The following ENKUR variants were observed in gnomAD, a reference collection of about 807,000 sequenced individuals.
ENKUR encodes the protein enkurin.
A neutral mutation model predicts 27.6 loss-of-function variants in ENKUR; 19 were observed. The observed-to-expected ratio is 0.69, with a 90% confidence interval of 0.48 to 1.01. The LOEUF (loss-of-function observed/expected upper bound fraction) is 1.01, where lower values mean the gene tolerates loss of function less well. Among genes scored for constraint, ENKUR ranks in the 50% least tolerant of loss-of-function variants. The pLI is 0.00. For synonymous variants in ENKUR, 117 were observed against 96.9 expected (o/e 1.21, Z -1.22); for missense variants, 312 against 310.5 (o/e 1.00, Z -0.04).
upstream of ENKUR, among the ~76,000 whole-genome samples, chr10:25,020,514 C>G (rs886484504): frequency 6.6e-6 from 1 of 151,990 alleles, no homozygotes; most frequent in African/African-American, 2.4e-5. Flanking sequence ...TGCCTCTAAT[C>G]CCAGCACTTT....
At chr10:25,033,715 A>T (rs182750077) in intron 2 of ENKUR, among the ~76,000 whole-genome samples, 185 of 152,282 alleles carry the variant, frequency 1.2e-3, no homozygotes, top group African/African-American at 4.3e-3. Context: ...AAAATCAAGA[A>T]AAAACAGTGA....
intron 2 of ENKUR, 41 bp downstream of exon 2, chr10:24,999,360 T>A: frequency 6.4e-7 from 1 of 1,554,486 alleles, no homozygotes; most frequent in Non-Finnish European, 8.7e-7. Context: ...AATCACCTGC[T>A]AATGCTTTTA....
chr10:24,997,531 T>C (rs1378393962), intron 2 of ENKUR, among the ~76,000 whole-genome samples: 1 of 151,814 alleles, frequency 6.6e-6, no homozygotes, highest in Non-Finnish European at 1.5e-5. Context: ...GGACCACAGA[T>C]GTGCATCAGC....
intron 3 of ENKUR, among the ~76,000 whole-genome samples, chr10:24,995,391 A>T (rs917015466): frequency 2.6e-5 from 4 of 152,214 alleles, no homozygotes; most frequent in Non-Finnish European, 5.9e-5. Context: ...TAAAATTGTT[A>T]AATATGTTAA....
At chr10:25,031,057 G>A (rs145454883) in intron 2 of ENKUR, among the ~76,000 whole-genome samples, 1 of 152,320 alleles carries the variant, frequency 6.6e-6, no homozygotes, top group Non-Finnish European at 1.5e-5. Context: ...GGCAGAGATT[G>A]CAGTAGCCAA....
intron 2 of ENKUR, among the ~76,000 whole-genome samples, chr10:25,052,892 C>T (rs112584438): frequency 0.014 from 2,121 of 152,154 alleles, 26 homozygotes; most frequent in Non-Finnish European, 0.02. Context: ...GCCTCAGCCT[C>T]CCGAGTAGCT....
At chr10:25,007,370 G>C (rs1850335747) in intron 1 of ENKUR, among the ~76,000 whole-genome samples, 1 of 152,168 alleles carries the variant, frequency 6.6e-6, no homozygotes, top group Admixed American at 6.5e-5. Context: ...AAATGCCAGA[G>C]AGGTGTGCTA....
chr10:24,984,449 T>C, intron 5 of ENKUR, 73 bp from the exon 6 acceptor site: 1 of 1,478,090 alleles, frequency 6.8e-7, no homozygotes, highest in Non-Finnish European at 9.1e-7. Flanking sequence ...AATTAATGTT[T>C]ATGTGAAACA....
At chr10:25,055,683 T>C (rs1421355926) in intron 2 of ENKUR, among the ~76,000 whole-genome samples, 1 of 152,184 alleles carries the variant, frequency 6.6e-6, no homozygotes, top group African/African-American at 2.4e-5. Flanking sequence ...ATTTTTAAAA[T>C]TTGGGATACC....
chr10:24,998,313 C>T (rs1241372093), intron 2 of ENKUR, among the ~76,000 whole-genome samples: 1 of 146,338 alleles, frequency 6.8e-6, no homozygotes, highest in Non-Finnish European at 1.5e-5. Context: ...CTTCTCCTCT[C>T]CCCTCCCCTC....
intron 2 of ENKUR, among the ~76,000 whole-genome samples, chr10:25,031,332 AT>A: frequency 6.6e-6 from 1 of 151,870 alleles, no homozygotes; most frequent in Middle Eastern, 3.4e-3. Flanking sequence ...TACTTCCTAC[AT>A]TTTTTTTATG....
chr10:25,056,395 G>T (rs147394103), intron 2 of ENKUR, among the ~76,000 whole-genome samples: 2 of 152,286 alleles, frequency 1.3e-5, no homozygotes, highest in Non-Finnish European at 2.9e-5. Flanking sequence ...GAGGGACTAG[G>T]AACATCTCTT....
At chr10:24,986,586 A>C (rs1184041556) in intron 4 of ENKUR, among the ~76,000 whole-genome samples, 1 of 152,176 alleles carries the variant, frequency 6.6e-6, no homozygotes, top group Non-Finnish European at 1.5e-5. Flanking sequence ...GTATTTGTAC[A>C]TTTGCGGATA....
chr10:24,986,560 C>A (rs1215967209), intron 4 of ENKUR, among the ~76,000 whole-genome samples: 1 of 152,142 alleles, frequency 6.6e-6, no homozygotes, highest in Non-Finnish European at 1.5e-5. Context: ...GTGGCTATTG[C>A]AGAGAGGAAG....
At chr10:25,050,570 G>T (rs945199102) in intron 2 of ENKUR, among the ~76,000 whole-genome samples, 3 of 152,118 alleles carry the variant, frequency 2.0e-5, no homozygotes, top group South Asian at 2.1e-4. Flanking sequence ...ACCTCCCACT[G>T]GTCCCTTCTA....
chr10:25,045,621 T>G (rs1204730922), intron 2 of ENKUR, among the ~76,000 whole-genome samples: 1 of 152,188 alleles, frequency 6.6e-6, no homozygotes, highest in Non-Finnish European at 1.5e-5. Flanking sequence ...CTTTTAAATT[T>G]GAAACTGAGA....
chr10:25,060,259 G>C (rs574861434), intron 2 of ENKUR, among the ~76,000 whole-genome samples: 15 of 152,286 alleles, frequency 9.8e-5, no homozygotes, highest in Middle Eastern at 3.4e-3. Flanking sequence ...CGGGCGCCAG[G>C]CTCCTGGGTA....
intron 3 of ENKUR, 120 bp from the exon 4 acceptor site, chr10:24,990,729 C>G (rs1849908921): frequency 9.8e-7 from 1 of 1,020,192 alleles, no homozygotes; most frequent in South Asian, 2.1e-5. Context: ...TGTTCAAAAC[C>G]CTGTAAATTG....
intron 2 of ENKUR, chr10:25,024,458 T>C: frequency 6.2e-7 from 1 of 1,613,958 alleles, no homozygotes; most frequent in Admixed American, 1.7e-5. Flanking sequence ...GAGAATGGAG[T>C]AAGTGATTTT....
Sources: allele counts gnomAD v4.1 joint callset (sites outside exome capture counted in the v4.1 genomes callset), GRCh38; gene constraint gnomAD v4.1.1; transcripts MANE v1.5; gene names NCBI Gene and HGNC (gene_info 2026-07-23, HGNC 2026-07-21).